Variants in HTR2A observed in about 807,000 individuals in gnomAD.
HTR2A encodes the protein 5-hydroxytryptamine receptor 2A.
HTR2A carries 14 observed loss-of-function variants against 31.0 expected under a neutral mutation model. The ratio of observed to expected loss-of-function variants is 0.45; its 90% CI spans 0.30 to 0.71. The LOEUF is 0.71. Among genes scored for constraint, HTR2A ranks in the 30% least tolerant of loss-of-function variants. HTR2A has a pLI of 0.09. For missense variants in HTR2A, 442 were observed against 573.3 expected (o/e 0.77, Z 2.34); for synonymous variants, 209 against 225.2 (o/e 0.93, Z 0.64).
At position 46,845,506 on chromosome 13, in the gene HTR2A, C is replaced by T. The variant is rs1014716762; in HGVS notation, c.614-9867G>A. 3.3e-5 allele frequency among the ~76,000 whole-genome samples: 5 copies of T among 152,034 alleles called. No homozygotes were observed. The East Asian group carries it at 9.7e-4, about 29-fold the overall frequency. ...ATCTATGATAGCAATCAGTTTTGTTCCTTCATCCATCAATCAAGTAGTAAT... is the reference window on the plus strand; with the variant it reads ...ATCTATGATAGCAATCAGTTTTGTTTCTTCATCCATCAATCAAGTAGTAAT... On this transcript the variant is annotated intron_variant, in intron 3 of 3. Transcript: ENST00000542664.
intron 3 of HTR2A, among the ~76,000 whole-genome samples, chr13:46,885,776 G>C (rs1017057005): frequency 4.6e-5 from 7 of 152,214 alleles, no homozygotes; most frequent in Non-Finnish European, 1.0e-4. Flanking sequence ...TTGCCAATTG[G>C]ATAAGTGAAA....
intron 3 of HTR2A, among the ~76,000 whole-genome samples, chr13:46,890,233 C>T (rs551648401): frequency 6.6e-6 from 1 of 152,350 alleles, no homozygotes; most frequent in East Asian, 1.9e-4. Context: ...ATCCCAGCTA[C>T]TCAGGAGGCT....
At chr13:46,838,723 T>C (rs996113970) in intron 3 of HTR2A, among the ~76,000 whole-genome samples, 1 of 152,086 alleles carries the variant, frequency 6.6e-6, no homozygotes, top group Non-Finnish European at 1.5e-5. Context: ...AATTACAGCA[T>C]TACTATTAGT....
chr13:46,881,544 G>A (rs553870252), intron 3 of HTR2A, among the ~76,000 whole-genome samples: 2 of 152,208 alleles, frequency 1.3e-5, no homozygotes, highest in Non-Finnish European at 2.9e-5. Context: ...GAGAGAAAGT[G>A]AAAAGATAGA....
chr13:46,895,629 A>G lies in HTR2A; in HGVS notation c.278T>C (p.Ile93Thr), dbSNP rs745387744. The G allele has an allele frequency of 6.2e-7, 1 of 1,614,208 alleles. No homozygotes were observed. Among genetic ancestry groups the G allele is most frequent in the South Asian group, 1.1e-5 (1 of 91,084 alleles). ...VVIILTIAGNILVIMAVSLEK... is the reference protein window; with the variant it reads ...VVIILTIAGNTLVIMAVSLEK... The stretch of plus-strand genomic sequence containing the variant: ...TAGGGACACTGCCATGATGACGAGT[A>G]TGTTTCCAGCAATAGTTAGAATAAT... Residue 93 changes from isoleucine to threonine, a missense_variant, in exon 2 of 4, where the codon ATA (isoleucine) becomes ACA (threonine). Around this residue, in one of 5 missense-constraint regions of HTR2A, gnomAD observed 86 missense variants for 179.1 expected, o/e 0.48. Transcript: ENST00000542664. This position sits in a 1 kb window ranked among gnomAD's most constrained non-coding sequence, Gnocchi z 4.4.
At position 46,834,944 on chromosome 13, in the gene HTR2A, T is replaced by G; in HGVS notation, c.1309A>C (p.Lys437Gln). ...ATTGAGCAGTCATTATCTGTTGTCT[T>G]GGCATCTTGCTTTGAATTCTTTTTT... ...GQKKNSKQDAKTTDNDCSMVA... is the reference protein window; with the variant it reads ...GQKKNSKQDAQTTDNDCSMVA... The change falls in exon 4 of 4, where the codon AAG becomes CAG. Residue 437 changes from lysine to glutamine, a missense_variant. By Grantham distance (53) the Lys-to-Gln change is moderately conservative. Around this residue, in one of 5 missense-constraint regions of HTR2A, gnomAD observed 88 missense variants for 83.1 expected, o/e 1.06. Transcript: ENST00000542664. 2 of 1,614,172 alleles carry G rather than the reference T, an allele frequency of 1.2e-6. No individual in the cohort carries two copies. The highest frequency in any genetic ancestry group is 1.7e-6 in the Non-Finnish European group (2 of 1,179,984).
intron 3 of HTR2A, among the ~76,000 whole-genome samples, chr13:46,872,453 CTT>C (rs1234761591): frequency 1.4e-5 from 2 of 144,684 alleles, no homozygotes; most frequent in Non-Finnish European, 3.0e-5. Flanking sequence ...TGCAAAATAA[CTT>C]TGGAGTTTCA....
At chr13:46,856,930 TG>T (rs1314895330) in intron 3 of HTR2A, among the ~76,000 whole-genome samples, 1 of 152,082 alleles carries the variant, frequency 6.6e-6, no homozygotes, top group Non-Finnish European at 1.5e-5. Flanking sequence ...TGCAAGGTGC[TG>T]GGGGGAGCCC....
intron 3 of HTR2A, among the ~76,000 whole-genome samples, chr13:46,866,608 T>C (rs1312940720): frequency 6.6e-6 from 1 of 152,214 alleles, no homozygotes; most frequent in Non-Finnish European, 1.5e-5. Flanking sequence ...TTGAGTTAGG[T>C]ACTGTGTTAG....
Position 46,895,760 on chromosome 13 carries a change from A to C in HTR2A, c.147T>G (p.Ser49=). The C allele has an allele frequency of 6.2e-7, 1 of 1,614,228 alleles. No individual in the cohort carries two copies. Among genetic ancestry groups the C allele is most frequent in the Non-Finnish European group, 8.5e-7 (1 of 1,180,032 alleles). The change falls in exon 2 of 4, where the codon TCT becomes TCG. Residue 49 remains serine, a synonymous_variant. Coordinates refer to ENST00000542664, the MANE Select transcript of HTR2A (RefSeq NM_000621.5). This position sits in a 1 kb window ranked among gnomAD's most constrained non-coding sequence, Gnocchi z 4.4. ...TSDAFNWTVD[S]ENRTNLSCEG... ...CACAGGAAAGGTTGGTTCGATTTTC[A>C]GAGTCGACTGTCCAGTTAAATGCAT...
At chr13:46,857,847 G>A (rs1186465773) in intron 3 of HTR2A, among the ~76,000 whole-genome samples, 4 of 152,174 alleles carry the variant, frequency 2.6e-5, no homozygotes, top group African/African-American at 9.7e-5. Flanking sequence ...GGCCTTGCAA[G>A]CCATATGGAG....
intron 3 of HTR2A, among the ~76,000 whole-genome samples, chr13:46,868,133 T>A (rs1160059273): frequency 1.3e-5 from 2 of 152,250 alleles, no homozygotes; most frequent in Non-Finnish European, 2.9e-5. Context: ...TCTTTCCATC[T>A]TTCTGAAGCG....
At chr13:46,891,237 C>T (rs1226917184) in intron 3 of HTR2A, among the ~76,000 whole-genome samples, 1 of 152,178 alleles carries the variant, frequency 6.6e-6, no homozygotes, top group Non-Finnish European at 1.5e-5. Context: ...ACTTTTTAAA[C>T]ATTTGAAAGT....
At chr13:46,896,644 G>A (rs1194586916) in intron 1 of HTR2A, 30 bp downstream of exon 1, 1 of 1,465,324 alleles carries the variant, frequency 6.8e-7, no homozygotes, top group African/African-American at 1.4e-5. Context: ...AAATTACACA[G>A]CAATAAAATA....
chr13:46,847,457 G>A (rs1403102424), intron 3 of HTR2A, among the ~76,000 whole-genome samples: 1 of 152,246 alleles, frequency 6.6e-6, no homozygotes, highest in Non-Finnish European at 1.5e-5. Flanking sequence ...TGGCAGATAA[G>A]ATGGTAGGAA....
rs751821352 is a variant in HTR2A at position 46,892,400 on chromosome 13, G to A, written c.603C>T (p.Thr201=). 3 of 1,613,988 alleles carry A rather than the reference G, an allele frequency of 1.9e-6. No individual in the cohort carries two copies. Among genetic ancestry groups the A allele is most frequent in the South Asian group, 1.1e-5 (1 of 91,082 alleles). Residue 201 remains threonine, a synonymous_variant, in exon 3 of 4, where the codon ACC becomes ACT. Coordinates refer to ENST00000542664, the MANE Select transcript of HTR2A (RefSeq NM_000621.5). The stretch of plus-strand genomic sequence containing the variant: ...TATGTTGCCACTTACCTACTGATAT[G>A]GTCCAAACAGCAATGATTTTCAGAA... The part of the protein sequence containing the change: ...KAFLKIIAVW[T]ISVGISMPIP...
At chr13:46,838,846 C>G (rs1416539483) in intron 3 of HTR2A, among the ~76,000 whole-genome samples, 1 of 152,084 alleles carries the variant, frequency 6.6e-6, no homozygotes, top group Non-Finnish European at 1.5e-5. Context: ...ACCTTGAGAG[C>G]CTTTTGCCCT....
intron 3 of HTR2A, among the ~76,000 whole-genome samples, chr13:46,875,678 T>A (rs1333973319): frequency 1.3e-5 from 2 of 151,970 alleles, no homozygotes; most frequent in Non-Finnish European, 2.9e-5. Flanking sequence ...CCAAGGAGGA[T>A]CATCATAAAA....
At position 46,895,661 on chromosome 13, in the gene HTR2A, G is replaced by C. The variant is rs779991888; in HGVS notation, c.246C>G (p.Ala82=). The change falls in exon 2 of 4, where the codon GCC becomes GCG. Residue 82 remains alanine (A), a synonymous_variant. Coordinates refer to ENST00000542664, the MANE Select transcript of HTR2A (RefSeq NM_000621.5). The surrounding 1 kb of genome is among the most constrained non-coding windows in gnomAD (Gnocchi z 4.4). ...QEKNWSALLT[A]VVIILTIAGN... is the part of the protein sequence containing the mutation. ...CAGCAATAGTTAGAATAATCACTACGGCTGTCAGTAAAGCAGACCAGTTTT... is the reference window on the plus strand; with the variant it reads ...CAGCAATAGTTAGAATAATCACTACCGCTGTCAGTAAAGCAGACCAGTTTT... 1.2e-6 allele frequency: 2 copies of C among 1,614,006 alleles called. No homozygotes were observed. The highest frequency in any genetic ancestry group is 4.5e-5 in the East Asian group (2 of 44,894).
Sources: allele counts gnomAD v4.1 joint callset (sites outside exome capture counted in the v4.1 genomes callset), GRCh38; gene constraint gnomAD v4.1.1; regional missense constraint gnomAD v4.1.1; non-coding constraint Gnocchi (gnomAD v3.1); transcripts MANE v1.5; gene names NCBI Gene and HGNC (gene_info 2026-07-23, HGNC 2026-07-21).